PTPN22: variants seen among roughly 807,000 people sequenced by gnomAD.
The protein encoded by PTPN22 is tyrosine-protein phosphatase non-receptor type 22.
A neutral mutation model predicts 103.3 loss-of-function variants in PTPN22; 85 were observed. That is an observed-to-expected ratio of 0.82 (90% CI 0.69 to 0.99). The LOEUF (loss-of-function observed/expected upper bound fraction) is 0.99. Among genes scored for constraint, PTPN22 ranks in the 50% least tolerant of loss-of-function variants. The pLI is 0.00. For synonymous variants in PTPN22, 323 were observed against 310.2 expected, an observed-to-expected ratio of 1.04 and a Z score of -0.43; for missense variants, 865 against 936.9, an observed-to-expected ratio of 0.92 and a Z score of 1.00.
chr1:113,852,023 AT>A lies in PTPN22; in HGVS notation c.828+3del, dbSNP rs1558044942. The A allele has an allele frequency of 6.3e-7, 1 of 1,599,898 alleles. No homozygotes were observed. Among genetic ancestry groups the A allele is most frequent in the African/African-American group, 1.3e-5 (1 of 74,720 alleles). On this transcript the variant is annotated splice_donor_region_variant and intron_variant, in intron 10 of 20. Coordinates refer to ENST00000359785, the Ensembl canonical transcript of PTPN22. ...TGTTCTGATCCATTCACTATAGTTC[AT>A]ACCTGCGTTTGAACTAATGAAGGCC...
Position 113,837,581 on chromosome 1 carries a change from AT to A in PTPN22, c.1810+8del. ...TAAAATTCTATGCAAACTTTAAAAA[AT>A]AACTTACCTAGTACAGCTGACTCCT... On this transcript the variant is annotated splice_region_variant and intron_variant, in intron 13 of 20. Coordinates refer to ENST00000359785, the Ensembl canonical transcript of PTPN22. 6.6e-7 allele frequency: 1 copy of A among 1,508,134 alleles called. No homozygotes were observed. The highest frequency in any genetic ancestry group is 9.0e-7 in the Non-Finnish European group (1 of 1,107,134). 93.4% of individuals were successfully genotyped at this position (1,508,134 alleles called of 1,614,324 possible).
At chr1:113,819,826 A>C in intron 19 of PTPN22, 172 bp from the exon 20 acceptor site, 2 of 390,008 alleles carry the variant, frequency 5.1e-6, no homozygotes, top group Non-Finnish European at 4.4e-6. Flanking sequence ...TAATATTCTC[A>C]TTTGTATTTT....
chr1:113,834,885 T>C, intron 14 of PTPN22, 25 bp downstream of exon 14: 1 of 1,502,088 alleles, frequency 6.7e-7, no homozygotes, highest in Non-Finnish European at 9.0e-7. Flanking sequence ...CACACTTTAT[T>C]TTATACTTAC....
intron 1 of PTPN22, among the ~76,000 whole-genome samples, chr1:113,864,884 C>A (rs1665984986): frequency 6.6e-6 from 1 of 151,830 alleles, no homozygotes; most frequent in African/African-American, 2.4e-5. Flanking sequence ...TGCACTCCAG[C>A]CTGGGTGACA....
chr1:113,850,203 AGG>A (rs1258743942), intron 10 of PTPN22, among the ~76,000 whole-genome samples: 2 of 13,138 alleles, frequency 1.5e-4, no homozygotes, highest in Non-Finnish European at 2.9e-4. Flanking sequence ...TCTCAAAAGA[AGG>A]AAGGAAGGAA....
intron 11 of PTPN22, among the ~76,000 whole-genome samples, chr1:113,843,923 T>C (rs1292705708): frequency 1.3e-5 from 2 of 152,128 alleles, no homozygotes; most frequent in Non-Finnish European, 2.9e-5. Context: ...TGTGGTAGAT[T>C]GTGTTTGAGA....
At chr1:113,853,099 C>T (rs942227736) in intron 9 of PTPN22, among the ~76,000 whole-genome samples, 7 of 151,028 alleles carry the variant, frequency 4.6e-5, no homozygotes, top group Admixed American at 2.0e-4. Flanking sequence ...CCACCAGGCC[C>T]GGCTAATTTT....
intron 19 of PTPN22, among the ~76,000 whole-genome samples, chr1:113,820,113 T>C (rs1399121593): frequency 6.6e-6 from 1 of 152,318 alleles, no homozygotes; most frequent in East Asian, 1.9e-4. Context: ...ATCTCTTTTT[T>C]TATTCCACTT....
chr1:113,856,767 A>C, intron 5 of PTPN22, 148 bp from the exon 6 acceptor site: 1 of 907,108 alleles, frequency 1.1e-6, no homozygotes, highest in South Asian at 1.8e-5. Flanking sequence ...CATTATTGGA[A>C]TCTCCAAAGA....
intron 1 of PTPN22, among the ~76,000 whole-genome samples, chr1:113,868,878 A>C (rs972061069): frequency 3.3e-5 from 5 of 151,270 alleles, no homozygotes; most frequent in Admixed American, 2.0e-4. Context: ...ATTATATTGC[A>C]CAATATTAAG....
In PTPN22 at chr1:113,834,890, A is replaced by G. The variant is rs1245591778; in HGVS notation, c.1894+20T>C. On this transcript the variant is annotated intron_variant, in intron 14 of 20. Coordinates refer to ENST00000359785, the Ensembl canonical transcript of PTPN22. ...ATGCCCATCCCACACTTTATTTTAT[A>G]CTTACTGAACTGTACTCACCAGCTT... 4 of 1,510,152 alleles carry G rather than the reference A, an allele frequency of 2.6e-6. No homozygotes were observed. The highest frequency in any genetic ancestry group is 1.7e-4 in the Middle Eastern group (1 of 5,846). 93.5% of individuals were successfully genotyped at this position (1,510,152 alleles called of 1,614,324 possible).
upstream of PTPN22, chr1:113,871,726 C>A: frequency 1.0e-6 from 1 of 968,890 alleles, no homozygotes; most frequent in Admixed American, 1.8e-5. Flanking sequence ...GCCGCCTGAG[C>A]AGAGCATGCT....
At chr1:113,840,885 T>G (rs918048530) in intron 11 of PTPN22, among the ~76,000 whole-genome samples, 2 of 152,112 alleles carry the variant, frequency 1.3e-5, no homozygotes, top group Non-Finnish European at 2.9e-5. Flanking sequence ...AAGGAGAGTG[T>G]TTTCAATAAA....
intron 1 of PTPN22, chr1:113,864,066 G>A (rs1301492789): frequency 9.9e-6 from 3 of 301,628 alleles, no homozygotes; most frequent in Admixed American, 9.6e-5. Context: ...AGCCAAGATC[G>A]CACCATTGCA....
intron 20 of PTPN22, among the ~76,000 whole-genome samples, chr1:113,817,675 G>T: frequency 6.6e-6 from 1 of 152,078 alleles, no homozygotes; most frequent in Non-Finnish European, 1.5e-5. Context: ...TCAAACTTCT[G>T]GCCCCAAGTA....
intron 18 of PTPN22, among the ~76,000 whole-genome samples, chr1:113,826,988 C>A (rs1015986868): frequency 6.6e-6 from 1 of 152,170 alleles, no homozygotes; most frequent in Non-Finnish European, 1.5e-5. Context: ...TAATTTATCT[C>A]TTCAAGGAAC....
chr1:113,835,852 T>G (rs1042605411), intron 13 of PTPN22, among the ~76,000 whole-genome samples: 3 of 152,106 alleles, frequency 2.0e-5, no homozygotes, highest in African/African-American at 7.2e-5. Flanking sequence ...ATTAAACATT[T>G]TAAATGGTAT....
intron 1 of PTPN22, among the ~76,000 whole-genome samples, chr1:113,865,344 A>G (rs1016601543): frequency 6.6e-6 from 1 of 152,244 alleles, no homozygotes; most frequent in African/African-American, 2.4e-5. Context: ...TTTACCTGAT[A>G]CAGTTTAAGT....
chr1:113,821,800 A>G (rs900350063), intron 19 of PTPN22, among the ~76,000 whole-genome samples: 1 of 152,194 alleles, frequency 6.6e-6, no homozygotes, highest in Non-Finnish European at 1.5e-5. Context: ...TTCAGTTGGT[A>G]TATTGGCATG....
Sources: gnomAD v4.1 joint callset for allele counts (sites outside exome capture counted in the v4.1 genomes callset) on GRCh38, gnomAD v4.1.1 for gene constraint, MANE v1.5 for transcripts, NCBI Gene and HGNC (gene_info 2026-07-23, HGNC 2026-07-21) for gene names.